ARMC3: variants seen among roughly 807,000 people sequenced by gnomAD.
The protein encoded by ARMC3 is armadillo repeat-containing protein 3.
A neutral mutation model predicts 90.3 loss-of-function variants in ARMC3; 74 were observed. The observed-to-expected ratio is 0.82, with a 90% confidence interval of 0.68 to 0.99. ARMC3 has a LOEUF of 0.99. Ranked by LOEUF, ARMC3 falls within the 50% of genes least tolerant of loss-of-function variation. ARMC3 has a pLI of 0.00. For missense variants in ARMC3, 958 were observed against 1,042.8 expected, an observed-to-expected ratio of 0.92 and a Z score of 1.12; for synonymous variants, 334 against 361.8, an observed-to-expected ratio of 0.92 and a Z score of 0.87.
At chr10:22,942,254 C>T (rs974860370) in intron 2 of ARMC3, among the ~76,000 whole-genome samples, 2 of 152,174 alleles carry the variant, frequency 1.3e-5, no homozygotes, top group Non-Finnish European at 2.9e-5. Flanking sequence ...TCTTTCACCA[C>T]TTGCTGGTTG....
At chr10:23,004,526 A>G (rs1837481222) in intron 13 of ARMC3, among the ~76,000 whole-genome samples, 1 of 152,146 alleles carries the variant, frequency 6.6e-6, no homozygotes, top group Admixed American at 6.5e-5. Flanking sequence ...TCCTGAGGTC[A>G]TGGGAAAACT....
chr10:22,958,866 T>C (rs1835066605), intron 4 of ARMC3, among the ~76,000 whole-genome samples: 1 of 152,068 alleles, frequency 6.6e-6, no homozygotes, highest in Non-Finnish European at 1.5e-5. Flanking sequence ...GGATTACAGA[T>C]ACAAGCCACC....
intron 8 of ARMC3, among the ~76,000 whole-genome samples, chr10:22,973,065 G>T (rs1835744708): frequency 6.6e-6 from 1 of 151,898 alleles, no homozygotes; most frequent in Admixed American, 6.6e-5. Flanking sequence ...AGGTTGAGGT[G>T]GGAAGATCAC....
At position 22,998,477 on chromosome 10, in the gene ARMC3, G is replaced by T. The variant is rs1837119786; in HGVS notation, c.1425+80G>T. On this transcript the variant is annotated intron_variant, in intron 11 of 18. Coordinates refer to ENST00000298032, the MANE Select transcript of ARMC3 (RefSeq NM_173081.5). ...GGATTCATTGGAAACATTTTTAAGT[G>T]ATTGAACCTACCTGTCATTTAAGTC... 15 of 1,527,276 alleles carry T rather than the reference G, an allele frequency of 9.8e-6. No individual in the cohort carries two copies. In the South Asian group the frequency reaches 1.9e-4, roughly 19 times the overall value. 94.6% of individuals were successfully genotyped at this position (1,527,276 alleles called of 1,614,324 possible). A position where few individuals can be genotyped will look rare whatever the true frequency, so the allele number is the denominator to read the frequency against.
intron 16 of ARMC3, among the ~76,000 whole-genome samples, chr10:23,013,659 T>G (rs1176798455): frequency 2.0e-5 from 3 of 152,226 alleles, no homozygotes; most frequent in Non-Finnish European, 4.4e-5. Flanking sequence ...ATGTCATGTG[T>G]ACAATACAGT....
At chr10:23,001,433 C>T (rs1035325044) in intron 11 of ARMC3, among the ~76,000 whole-genome samples, 1 of 152,142 alleles carries the variant, frequency 6.6e-6, no homozygotes, top group Non-Finnish European at 1.5e-5. Context: ...CCTTCTGTCC[C>T]CCTCTTATAA....
intron 4 of ARMC3, among the ~76,000 whole-genome samples, chr10:22,958,822 A>G (rs1396679535): frequency 6.6e-6 from 1 of 152,112 alleles, no homozygotes; most frequent in Non-Finnish European, 1.5e-5. Flanking sequence ...CCCAGGTTCA[A>G]GCGATTCTCC....
chr10:22,931,878 C>T (rs1588799489), intron 1 of ARMC3, 118 bp from the exon 2 acceptor site: 3 of 755,892 alleles, frequency 4.0e-6, no homozygotes, highest in East Asian at 5.3e-5. Context: ...ACATGTATTG[C>T]ATTGTGTTTT....
chr10:22,946,334 T>A, intron 3 of ARMC3, 73 bp downstream of exon 3: 2 of 970,698 alleles, frequency 2.1e-6, no homozygotes, highest in Non-Finnish European at 3.2e-6. Context: ...TGGGCACTTT[T>A]CTTCCTAGTC....
intron 2 of ARMC3, among the ~76,000 whole-genome samples, chr10:22,939,545 A>G (rs1834243094): frequency 6.6e-6 from 1 of 152,206 alleles, no homozygotes; most frequent in African/African-American, 2.4e-5. Flanking sequence ...AGCCCTATAG[A>G]AAAGGTTTCT....
rs189640495 is a variant in ARMC3 at position 22,984,318 on chromosome 10, T to G, written c.1175+2618T>G. ...AATCGCTGGTGTTGTCATGGTAACA[T>G]ATAATGTTGGTGCAATTTCCTTTAT... On this transcript the variant is annotated intron_variant, in intron 10 of 18. Coordinates refer to ENST00000298032, the MANE Select transcript of ARMC3 (RefSeq NM_173081.5). Among the ~76,000 whole-genome samples the G allele has an allele frequency of 5.2e-4, 79 of 152,244 alleles. 1 individual carries two copies. The East Asian group carries it at 0.014, about 28-fold the overall frequency.
At chr10:23,007,011 G>C in intron 14 of ARMC3, 30 bp downstream of exon 14, 1 of 1,515,246 alleles carries the variant, frequency 6.6e-7, no homozygotes, top group Non-Finnish European at 9.0e-7. Context: ...GGGGATGAAG[G>C]GAAGCACATA....
At chr10:23,019,234 GTCA>G (rs1320726127) in intron 16 of ARMC3, among the ~76,000 whole-genome samples, 1 of 152,182 alleles carries the variant, frequency 6.6e-6, no homozygotes, top group African/African-American at 2.4e-5. Context: ...TGGGGTGCAG[GTCA>G]TCAAGTCACA....
At chr10:22,960,093 A>C (rs1292558208) in intron 6 of ARMC3, 1 of 305,386 alleles carries the variant, frequency 3.3e-6, no homozygotes, top group African/African-American at 2.2e-5. Context: ...AGAAACTGCC[A>C]ACCTTCCCCT....
At chr10:22,972,942 G>C (rs1161100114) in intron 8 of ARMC3, among the ~76,000 whole-genome samples, 1 of 152,056 alleles carries the variant, frequency 6.6e-6, no homozygotes, top group Non-Finnish European at 1.5e-5. Flanking sequence ...CCTGCAGGGA[G>C]CCCCCAGATC....
intron 16 of ARMC3, among the ~76,000 whole-genome samples, chr10:23,022,152 A>T (rs1314639855): frequency 6.6e-6 from 1 of 152,216 alleles, no homozygotes; most frequent in African/African-American, 2.4e-5. Flanking sequence ...TGTTTTCTTC[A>T]AAATATTGAA....
At chr10:22,946,893 C>T (rs1834550634) in intron 3 of ARMC3, among the ~76,000 whole-genome samples, 1 of 152,174 alleles carries the variant, frequency 6.6e-6, no homozygotes, top group African/African-American at 2.4e-5. Flanking sequence ...GGCATGGTGG[C>T]TAATGCCTGT....
chr10:22,993,098 A>G lies in ARMC3; in HGVS notation c.1176-5050A>G, dbSNP rs1276902574. Among the ~76,000 whole-genome samples the G allele has an allele frequency of 2.0e-5, 3 of 152,248 alleles. No individual in the cohort carries two copies. The East Asian group carries it at 5.8e-4, about 29-fold the overall frequency. On this transcript the variant is annotated intron_variant, in intron 10 of 18. Coordinates refer to ENST00000298032, the MANE Select transcript of ARMC3 (RefSeq NM_173081.5). ...TCTGTTCCATCGGGTTCCACATATT[A>G]CCCTGTATGTGGGCTCTGTTAAACA...
chr10:22,946,387 G>C, intron 3 of ARMC3, 126 bp downstream of exon 3: 1 of 624,392 alleles, frequency 1.6e-6, no homozygotes, highest in Non-Finnish European at 2.7e-6. Context: ...AGACAACCAG[G>C]ATATTATTTA....
Sources: gnomAD v4.1 joint callset for allele counts (sites outside exome capture counted in the v4.1 genomes callset) on GRCh38, gnomAD v4.1.1 for gene constraint, MANE v1.5 for transcripts, NCBI Gene and HGNC (gene_info 2026-07-23, HGNC 2026-07-21) for gene names.